CHN2: variants seen among roughly 807,000 people sequenced by gnomAD.
The protein encoded by CHN2 is chimerin 2.
Under a neutral mutation model 56.3 loss-of-function variants are expected in CHN2, and 35 were observed. The observed-to-expected ratio is 0.62, with a 90% CI of 0.47 to 0.82. The LOEUF is 0.82. CHN2 is among the 40% of genes least tolerant of loss of function. The probability of loss-of-function intolerance (pLI) is 0.00; values close to 1 mark genes in which losing one functional copy is unlikely to be tolerated. For missense variants in CHN2, 491 were observed against 580.5 expected (o/e 0.85, Z 1.58); for synonymous variants, 210 against 212.8 (o/e 0.99, Z 0.12).
rs1314886138 is a variant in CHN2 at position 29,387,844 on chromosome 7, C to T, written c.145-5835C>T. Among the ~76,000 whole-genome samples, 3 of 152,194 alleles carry T rather than the reference C, an allele frequency of 2.0e-5. No homozygotes were observed. The East Asian group carries it at 5.8e-4, about 29-fold the overall frequency. ...GTAACTTTCGAATCTTTGGTAATATCACTGCATTATTTATTTTTATTATAA... is the reference window on the plus strand; with the variant it reads ...GTAACTTTCGAATCTTTGGTAATATTACTGCATTATTTATTTTTATTATAA... On this transcript the variant is annotated intron_variant, in intron 3 of 12. Coordinates refer to ENST00000222792, the MANE Select transcript of CHN2 (RefSeq NM_004067.4).
intron 6 of CHN2, among the ~76,000 whole-genome samples, chr7:29,449,378 A>G (rs1448122941): frequency 6.6e-6 from 1 of 152,236 alleles, no homozygotes; most frequent in Non-Finnish European, 1.5e-5. Flanking sequence ...GTGGGAGACT[A>G]ATAAGTCAGA....
chr7:29,495,633 C>T, intron 7 of CHN2, among the ~76,000 whole-genome samples: 1 of 152,198 alleles, frequency 6.6e-6, no homozygotes, highest in Non-Finnish European at 1.5e-5. Flanking sequence ...GTTATAGCGA[C>T]CAGCTTGGGC....
At chr7:29,354,243 G>A (rs1371690060) in intron 1 of CHN2, among the ~76,000 whole-genome samples, 1 of 152,122 alleles carries the variant, frequency 6.6e-6, no homozygotes, top group Non-Finnish European at 1.5e-5. Context: ...CTTCATAAAT[G>A]GGCTAAAGGT....
chr7:29,456,036 A>T (rs191433917), intron 6 of CHN2, among the ~76,000 whole-genome samples: 20 of 152,320 alleles, frequency 1.3e-4, no homozygotes, highest in African/African-American at 4.8e-4. Context: ...TAATAATAAT[A>T]ACTCTATCAT....
chr7:29,371,152 C>T (rs966627707), intron 3 of CHN2, among the ~76,000 whole-genome samples: 17 of 152,172 alleles, frequency 1.1e-4, no homozygotes, highest in African/African-American at 4.1e-4. Flanking sequence ...AGAACAGGCT[C>T]TGAACTGGTC....
At chr7:29,286,400 G>A (rs1451229190) in intron 1 of CHN2, among the ~76,000 whole-genome samples, 2 of 151,594 alleles carry the variant, frequency 1.3e-5, no homozygotes, top group Non-Finnish European at 2.9e-5. Context: ...AGGACAAGTT[G>A]CATAGGTGGG....
intron 1 of CHN2, among the ~76,000 whole-genome samples, chr7:29,279,064 A>G (rs948561546): frequency 1.3e-5 from 2 of 150,958 alleles, no homozygotes; most frequent in African/African-American, 4.9e-5. Context: ...TTCCATAGCC[A>G]TGCTTGTAGC....
chr7:29,503,138 G>A (rs569287205), intron 9 of CHN2, among the ~76,000 whole-genome samples: 65 of 152,174 alleles, frequency 4.3e-4, no homozygotes, highest in Admixed American at 1.3e-3. Flanking sequence ...CTTTGGAGAC[G>A]GAGGTCTCCA....
At chr7:29,273,363 A>ATATATATATATGTG (rs1790879528) in intron 1 of CHN2, among the ~76,000 whole-genome samples, 1 of 69,856 alleles carries the variant, frequency 1.4e-5, no homozygotes, top group Non-Finnish European at 2.6e-5. Flanking sequence ...ATATATATAT[A>ATATATATATATGTG]TATATATATA....
At chr7:29,510,545 G>A (rs1379562569) in intron 12 of CHN2, among the ~76,000 whole-genome samples, 3 of 152,192 alleles carry the variant, frequency 2.0e-5, no homozygotes, top group Non-Finnish European at 4.4e-5. Flanking sequence ...CTGTTGGACT[G>A]AAGGCCTCAC....
chr7:29,269,776 A>G (rs1236663646), intron 1 of CHN2, among the ~76,000 whole-genome samples: 1 of 152,230 alleles, frequency 6.6e-6, no homozygotes, highest in African/African-American at 2.4e-5. Context: ...AGGCAAACAG[A>G]GAAAACAGTC....
chr7:29,483,321 A>G (rs541983457), intron 7 of CHN2, among the ~76,000 whole-genome samples: 6 of 152,294 alleles, frequency 3.9e-5, no homozygotes, highest in East Asian at 3.9e-4. Context: ...CTTGCGCTCT[A>G]TTCTCTCAGA....
intron 5 of CHN2, 58 bp downstream of exon 5, chr7:29,398,544 GC>G (rs1801947571): frequency 2.8e-6 from 3 of 1,089,588 alleles, no homozygotes; most frequent in Middle Eastern, 2.2e-4. Context: ...ACTGATGTTT[GC>G]CCATTTTTAA....
At chr7:29,362,540 G>A (rs113377697) in intron 2 of CHN2, among the ~76,000 whole-genome samples, 8 of 152,054 alleles carry the variant, frequency 5.3e-5, no homozygotes, top group Non-Finnish European at 8.8e-5. Context: ...GGACAGTCAC[G>A]GTCCCCAGCA....
At chr7:29,469,960 G>T (rs1275617304) in intron 6 of CHN2, among the ~76,000 whole-genome samples, 1 of 152,200 alleles carries the variant, frequency 6.6e-6, no homozygotes, top group Non-Finnish European at 1.5e-5. Flanking sequence ...GTAAGAGGGA[G>T]AGAAGGAAGG....
rs537673488 is a variant in CHN2 at position 29,253,814 on chromosome 7, A to G, written c.49+58824A>G. On this transcript the variant is annotated intron_variant, in intron 1 of 12. Coordinates refer to ENST00000222792, the MANE Select transcript of CHN2 (RefSeq NM_004067.4). ...TTCCTTCAACTGTAAAATAAGGATG[A>G]TGGTGTCTGTTATTTTGATAATTAT... Among the ~76,000 whole-genome samples, 10 of 152,354 alleles carry G rather than the reference A, an allele frequency of 6.6e-5. No individual in the cohort carries two copies. In the East Asian group the frequency reaches 1.9e-3, roughly 29 times the overall value.
intron 1 of CHN2, among the ~76,000 whole-genome samples, chr7:29,230,106 C>T (rs1786552553): frequency 6.6e-6 from 1 of 152,104 alleles, no homozygotes; most frequent in African/African-American, 2.4e-5. Flanking sequence ...GACTGTGTGG[C>T]CTGGAAAGTG....
intron 6 of CHN2, among the ~76,000 whole-genome samples, chr7:29,427,099 C>T (rs572150349): frequency 2.0e-5 from 3 of 152,262 alleles, no homozygotes; most frequent in African/African-American, 7.2e-5. Flanking sequence ...GGGTGGATCA[C>T]TTGAGGTCGG....
At chr7:29,319,820 G>A (rs983589362) in intron 1 of CHN2, among the ~76,000 whole-genome samples, 2 of 152,124 alleles carry the variant, frequency 1.3e-5, no homozygotes, top group Non-Finnish European at 2.9e-5. Context: ...CTCTGGAACC[G>A]AGTGGCACCA....
Sources: gnomAD v4.1 joint callset for allele counts (sites outside exome capture counted in the v4.1 genomes callset) on GRCh38, gnomAD v4.1.1 for gene constraint, MANE v1.5 for transcripts, NCBI Gene and HGNC (gene_info 2026-07-23, HGNC 2026-07-21) for gene names.